Variants in STK32C observed in about 807,000 individuals in gnomAD.
STK32C encodes serine/threonine-protein kinase 32C.
A neutral mutation model predicts 56.5 loss-of-function variants in STK32C; 31 were observed. The observed-to-expected ratio is 0.55, with a 90% CI of 0.41 to 0.74. The LOEUF is 0.74. Ranked by LOEUF, STK32C falls within the 30% of genes least tolerant of loss-of-function variation. STK32C has a pLI of 0.00. For missense variants in STK32C, 544 were observed against 676.9 expected, an observed-to-expected ratio of 0.80 and a Z score of 2.18; for synonymous variants, 309 against 289.4, an observed-to-expected ratio of 1.07 and a Z score of -0.69.
At chr10:132,219,944 G>C (rs986712507) in intron 10 of STK32C, among the ~76,000 whole-genome samples, 8 of 152,256 alleles carry the variant, frequency 5.3e-5, no homozygotes, top group Admixed American at 4.6e-4. Context: ...CAGGGGCAAG[G>C]GGACCACCGA....
intron 2 of STK32C, among the ~76,000 whole-genome samples, chr10:132,233,376 G>A (rs1184391909): frequency 6.6e-6 from 1 of 152,224 alleles, no homozygotes; most frequent in African/African-American, 2.4e-5. Context: ...CTGAGAAGCT[G>A]TGTCCCATAG....
At chr10:132,223,562 G>A (rs184055332) in intron 8 of STK32C, among the ~76,000 whole-genome samples, 48 of 152,358 alleles carry the variant, frequency 3.2e-4, no homozygotes, top group Non-Finnish European at 4.6e-4. Flanking sequence ...CTAGCCCAGT[G>A]CCACCTTGTG....
intron 1 of STK32C, chr10:132,249,032 G>C (rs761012071): frequency 7.4e-5 from 35 of 473,584 alleles, no homozygotes; most frequent in African/African-American, 5.1e-4. Context: ...CTGCACACCT[G>C]CAAAGCCTCC....
At chr10:132,250,001 G>C (rs1412495921) in intron 1 of STK32C, among the ~76,000 whole-genome samples, 1 of 152,264 alleles carries the variant, frequency 6.6e-6, no homozygotes, top group Non-Finnish European at 1.5e-5. Flanking sequence ...ACAGCTTCCT[G>C]TGGGCTTTGA....
At chr10:132,272,399 C>A (rs1367408885) in intron 1 of STK32C, among the ~76,000 whole-genome samples, 1 of 152,232 alleles carries the variant, frequency 6.6e-6, no homozygotes, top group East Asian at 1.9e-4. Flanking sequence ...CCACGAACAA[C>A]CCGAGCAAAT....
At chr10:132,271,891 G>A (rs2064837555) in intron 1 of STK32C, among the ~76,000 whole-genome samples, 1 of 152,224 alleles carries the variant, frequency 6.6e-6, no homozygotes, top group Non-Finnish European at 1.5e-5. Context: ...GCAGCACTGG[G>A]GCTGCCTCAG....
At chr10:132,226,770 C>T (rs1227163965) in intron 4 of STK32C, 25 bp downstream of exon 4, 1 of 1,606,570 alleles carries the variant, frequency 6.2e-7, no homozygotes, top group East Asian at 2.2e-5. Flanking sequence ...TCAGCAGGTA[C>T]CTGCGCCGTC....
In STK32C at chr10:132,224,481, C is replaced by T. The variant is rs986344003; in HGVS notation, c.919G>A (p.Val307Met). 5 of 1,585,012 alleles carry T rather than the reference C, an allele frequency of 3.2e-6. No homozygotes were observed. In the African/African-American group the frequency reaches 5.4e-5, roughly 17 times the overall value. The change falls in exon 8 of 12, where the codon GTG (valine) becomes ATG (methionine). Residue 307 changes from valine to methionine, a missense_variant. Physicochemically the swap from Val to Met is conservative, Grantham distance 21 (BLOSUM62 1). Coordinates refer to ENST00000298630, the MANE Select transcript of STK32C (RefSeq NM_173575.4). ...IHSSNAVESL[V>M]QLFSTVSVQY... ...ACGCTCACGGTGCTGAACAGCTGCACCAGGGACTCCACGGCGTTGCTGGAG... is the reference window on the plus strand; with the variant it reads ...ACGCTCACGGTGCTGAACAGCTGCATCAGGGACTCCACGGCGTTGCTGGAG...
At chr10:132,270,810 T>A (rs2064793240) in intron 1 of STK32C, among the ~76,000 whole-genome samples, 1 of 152,146 alleles carries the variant, frequency 6.6e-6, no homozygotes, top group African/African-American at 2.4e-5. Context: ...ACGGTGAGGC[T>A]GCGGAGTGGC....
chr10:132,282,268 G>A (rs1463805271), intron 1 of STK32C, among the ~76,000 whole-genome samples: 1 of 152,238 alleles, frequency 6.6e-6, no homozygotes, highest in East Asian at 1.9e-4. Context: ...GCCCATCCCT[G>A]CCACACGCCC....
chr10:132,331,952 CAGGCGCACCACACCCCGCCCCCTCCCGG>C, upstream of STK32C: 1 of 552,646 alleles, frequency 1.8e-6, no homozygotes, highest in Non-Finnish European at 3.0e-6. Flanking sequence ...CGCCCCAGCG[CAGGCGCACCACACCCCGCCCCCTCCCGG>C]GCAGGCGCAC....
intron 1 of STK32C, among the ~76,000 whole-genome samples, chr10:132,279,059 G>A (rs866175981): frequency 4.6e-5 from 7 of 152,090 alleles, no homozygotes; most frequent in South Asian, 2.1e-4. Context: ...GGCGGGGGAC[G>A]GGGCATATAA....
chr10:132,326,639 T>C (rs1410360677), intron 1 of STK32C, among the ~76,000 whole-genome samples: 2 of 152,236 alleles, frequency 1.3e-5, no homozygotes, highest in African/African-American at 4.8e-5. Context: ...TCTATTTTAA[T>C]GTTAATGCTG....
chr10:132,332,046 A>T, upstream of STK32C: 1 of 302,800 alleles, frequency 3.3e-6, no homozygotes, highest in Non-Finnish European at 6.0e-6. Flanking sequence ...GCACGCAGGC[A>T]CAAACCCCCA....
At chr10:132,211,743 G>A (rs1468576717) in intron 10 of STK32C, among the ~76,000 whole-genome samples, 1 of 152,188 alleles carries the variant, frequency 6.6e-6, no homozygotes, top group Admixed American at 6.5e-5. Context: ...ATGACTGACT[G>A]GTGTGGGTGT....
upstream of STK32C, among the ~76,000 whole-genome samples, chr10:132,311,552 G>C (rs927180124): frequency 6.6e-6 from 1 of 152,212 alleles, no homozygotes; most frequent in Non-Finnish European, 1.5e-5. This position sits in a 1 kb window ranked among gnomAD's most constrained non-coding sequence, Gnocchi z 4.4. Context: ...TGGCCACCTG[G>C]TGACTCAGGA....
intron 10 of STK32C, among the ~76,000 whole-genome samples, chr10:132,219,739 T>TG (rs1203795188): frequency 6.6e-6 from 1 of 151,948 alleles, no homozygotes; most frequent in African/African-American, 2.4e-5. Flanking sequence ...CCTGACCCAC[T>TG]GGGGGGCCGT....
At chr10:132,265,761 G>A (rs2064499669) in intron 1 of STK32C, among the ~76,000 whole-genome samples, 1 of 152,204 alleles carries the variant, frequency 6.6e-6, no homozygotes, top group Admixed American at 6.5e-5. Context: ...ATGAGCACAG[G>A]AGAGAGGCTG....
upstream of STK32C, among the ~76,000 whole-genome samples, chr10:132,312,815 G>A (rs1209057841): frequency 1.3e-5 from 2 of 152,304 alleles, no homozygotes; most frequent in Non-Finnish European, 2.9e-5. Context: ...CGAGGTGGGC[G>A]GCTCACTTGA....
Sources: gnomAD v4.1 joint callset for allele counts (sites outside exome capture counted in the v4.1 genomes callset) on GRCh38, gnomAD v4.1.1 for gene constraint, Gnocchi (gnomAD v3.1) non-coding constraint, MANE v1.5 for transcripts, NCBI Gene and HGNC (gene_info 2026-07-23, HGNC 2026-07-21) for gene names.